Variants in PRRG1 observed in about 807,000 individuals in gnomAD.
PRRG1 encodes the protein transmembrane gamma-carboxyglutamic acid protein 1.
PRRG1 carries 5 observed loss-of-function variants against 11.8 expected under a neutral mutation model. The observed-to-expected ratio is 0.42, with a 90% CI of 0.22 to 0.89. PRRG1 has a LOEUF of 0.89. Ranked by LOEUF, PRRG1 falls within the 40% of genes least tolerant of loss-of-function variation. The pLI is 0.28. For synonymous variants in PRRG1, 66 were observed against 60.4 expected (o/e 1.09, Z -0.43); for missense variants, 155 against 166.1 (o/e 0.93, Z 0.37).
chrX:37,390,121 G>A (rs1242194575), intron 1 of PRRG1, among the ~76,000 whole-genome samples: 1 of 111,575 alleles, frequency 9.0e-6, no homozygotes, highest in Non-Finnish European at 1.9e-5. Flanking sequence ...CTTCAAAGAT[G>A]GTACCACCTT....
At chrX:37,369,756 C>T (rs1404034818) in intron 1 of PRRG1, among the ~76,000 whole-genome samples, 1 of 111,485 alleles carries the variant, frequency 9.0e-6, no homozygotes, top group Non-Finnish European at 1.9e-5. Context: ...GCAATTGAAT[C>T]ATGAGGGTGG....
chrX:37,404,051 T>G (rs1167041996), intron 1 of PRRG1, among the ~76,000 whole-genome samples: 1 of 112,413 alleles, frequency 8.9e-6, no homozygotes, highest in Non-Finnish European at 1.9e-5. Context: ...TCCTGGCCCA[T>G]GCCTGACAGC....
intron 3 of PRRG1, among the ~76,000 whole-genome samples, chrX:37,429,235 A>G (rs1049491268): frequency 1.1e-4 from 12 of 112,211 alleles, no homozygotes; most frequent in African/African-American, 3.9e-4. Flanking sequence ...AAATTTCTGA[A>G]GCCAGCTTGA....
At chrX:37,449,834 AG>A (rs781811008) in intron 3 of PRRG1, among the ~76,000 whole-genome samples, 8 of 112,637 alleles carry the variant, frequency 7.1e-5, no homozygotes, top group Middle Eastern at 4.6e-3. Flanking sequence ...TGCTCTACCA[AG>A]TTTTGAAATC....
intron 1 of PRRG1, 148 bp from the exon 2 acceptor site, chrX:37,406,061 G>T (rs1932180747): frequency 4.6e-6 from 2 of 439,357 alleles, no homozygotes; most frequent in East Asian, 8.5e-5. Context: ...CTCTTTGTGA[G>T]GGAGAAAACA....
rs782564249 is a variant in PRRG1 at position 37,395,831 on chromosome X, A to G, written c.-41-10378A>G. ...AAATTTTAGTGCATCTAATAAGATA[A>G]GTAATATATAAAAGAGCCTAACATT... On this transcript the variant is annotated intron_variant, in intron 1 of 3. Coordinates refer to ENST00000378628, the MANE Select transcript of PRRG1 (RefSeq NM_001142395.2). Among the ~76,000 whole-genome samples the G allele has an allele frequency of 4.5e-5, 5 of 111,784 alleles. No homozygotes were observed. In the South Asian group the frequency reaches 1.5e-3, roughly 33 times the overall value.
chrX:37,399,510 C>G (rs1474609683), intron 1 of PRRG1, among the ~76,000 whole-genome samples: 2 of 110,953 alleles, frequency 1.8e-5, no homozygotes, highest in South Asian at 4.0e-4. Flanking sequence ...ACAACCAGTA[C>G]CAGCCACTGC....
chrX:37,424,438 G>A lies in PRRG1; in HGVS notation c.11-1402G>A, dbSNP rs901719117. On this transcript the variant is annotated intron_variant, in intron 2 of 3. Transcript: ENST00000378628. ...TCAGTCCTTCAGGGATTCTGATGCG[G>A]CTAAAAGGCAAGAAGTGTTAGAAAA... Among the ~76,000 whole-genome samples the A allele has an allele frequency of 4.5e-5, 5 of 111,336 alleles. No homozygotes were observed. In the Admixed American group the frequency reaches 4.8e-4, roughly 11 times the overall value.
intron 1 of PRRG1, among the ~76,000 whole-genome samples, chrX:37,369,758 T>A (rs1370801715): frequency 8.1e-5 from 9 of 111,559 alleles, no homozygotes; most frequent in African/African-American, 2.9e-4. Flanking sequence ...AATTGAATCA[T>A]GAGGGTGGGT....
At chrX:37,414,090 G>A (rs920357710) in intron 2 of PRRG1, among the ~76,000 whole-genome samples, 10 of 111,744 alleles carry the variant, frequency 8.9e-5, no homozygotes, top group Admixed American at 2.8e-4. Flanking sequence ...GCATCCTGCC[G>A]TTAAGCGACA....
chrX:37,440,166 A>G (rs1556393159), intron 3 of PRRG1, among the ~76,000 whole-genome samples: 1 of 111,671 alleles, frequency 9.0e-6, no homozygotes, highest in Non-Finnish European at 1.9e-5. Flanking sequence ...TATTCTTTCC[A>G]TCTTTAGACC....
intron 1 of PRRG1, among the ~76,000 whole-genome samples, chrX:37,359,952 A>G (rs1250562710): frequency 9.0e-6 from 1 of 111,392 alleles, no homozygotes; most frequent in Admixed American, 9.5e-5. Flanking sequence ...ATTGTTCATA[A>G]TATTCCTTTA....
chrX:37,405,552 T>G (rs1037410875), intron 1 of PRRG1, among the ~76,000 whole-genome samples: 12 of 111,235 alleles, frequency 1.1e-4, no homozygotes, highest in Non-Finnish European at 1.9e-5. Context: ...GAGTGTTTTT[T>G]TTTTTCATCT....
chrX:37,382,436 C>G (rs1931180567), intron 1 of PRRG1, among the ~76,000 whole-genome samples: 1 of 110,748 alleles, frequency 9.0e-6, no homozygotes, highest in African/African-American at 3.3e-5. Flanking sequence ...TATCTTGCAG[C>G]TATAGATATA....
chrX:37,399,292 ACT>A (rs1408313589), intron 1 of PRRG1, among the ~76,000 whole-genome samples: 1 of 111,775 alleles, frequency 8.9e-6, no homozygotes, highest in Non-Finnish European at 1.9e-5. Flanking sequence ...CTTGGCAGAA[ACT>A]CTACAAGCCA....
At chrX:37,382,973 GAGTTGA>G (rs1266686460) in intron 1 of PRRG1, among the ~76,000 whole-genome samples, 1 of 111,002 alleles carries the variant, frequency 9.0e-6, no homozygotes, top group East Asian at 2.8e-4. Flanking sequence ...CAATTAGATT[GAGTTGA>G]AGAGTTTAAA....
At chrX:37,378,906 G>T (rs1434527487) in intron 1 of PRRG1, among the ~76,000 whole-genome samples, 1 of 109,898 alleles carries the variant, frequency 9.1e-6, no homozygotes, top group African/African-American at 3.3e-5. Context: ...ACTGTCAGCA[G>T]CATGAGGGCA....
chrX:37,424,740 T>C (rs980220515), intron 2 of PRRG1, among the ~76,000 whole-genome samples: 1 of 110,606 alleles, frequency 9.0e-6, no homozygotes, highest in African/African-American at 3.3e-5. Context: ...TTGGATACTT[T>C]AAAGAATCCT....
At chrX:37,387,587 G>A (rs1392914747) in intron 1 of PRRG1, among the ~76,000 whole-genome samples, 2 of 110,911 alleles carry the variant, frequency 1.8e-5, no homozygotes, top group African/African-American at 3.3e-5. Context: ...ATCAGATCTC[G>A]GGAGAACTCA....
Sources: gnomAD v4.1 joint callset for allele counts (sites outside exome capture counted in the v4.1 genomes callset) on GRCh38, gnomAD v4.1.1 for gene constraint, MANE v1.5 for transcripts, NCBI Gene and HGNC (gene_info 2026-07-23, HGNC 2026-07-21) for gene names.